ARIH1: variants seen among roughly 807,000 people sequenced by gnomAD.
ARIH1 encodes ariadne RBR E3 ubiquitin protein ligase 1, also known as E3 ubiquitin-protein ligase ARIH1.
ARIH1 carries 8 observed loss-of-function variants against 85.0 expected under a neutral mutation model. That is an observed-to-expected ratio of 0.09 (90% CI 0.06 to 0.17). The LOEUF (loss-of-function observed/expected upper bound fraction) is 0.17, where lower values mean the gene tolerates loss of function less well. ARIH1 is among the 10% of genes least tolerant of loss of function. The pLI, the probability that ARIH1 is intolerant of heterozygous loss-of-function variation, is 1.00. For synonymous variants in ARIH1, 238 were observed against 253.6 expected (o/e 0.94, Z 0.59); for missense variants, 311 against 718.1 (o/e 0.43, Z 6.48).
intron 1 of ARIH1, among the ~76,000 whole-genome samples, chr15:72,515,183 A>C (rs2063969640): frequency 6.6e-6 from 1 of 151,658 alleles, no homozygotes; most frequent in Admixed American, 6.6e-5. Flanking sequence ...TAAAAATACA[A>C]AAAATTAGAC....
chr15:72,484,153 A>G (rs1355836940), intron 1 of ARIH1, among the ~76,000 whole-genome samples: 2 of 144,132 alleles, frequency 1.4e-5, no homozygotes, highest in South Asian at 2.3e-4. Flanking sequence ...AGCCTGGGCA[A>G]CAAGAGTGAA....
intron 2 of ARIH1, among the ~76,000 whole-genome samples, chr15:72,537,369 G>T (rs1040372266): frequency 6.6e-6 from 1 of 152,080 alleles, no homozygotes; most frequent in Non-Finnish European, 1.5e-5. Flanking sequence ...TTTTATCAAA[G>T]TAACACAATC....
chr15:72,516,554 A>G (rs1441148270), intron 1 of ARIH1, among the ~76,000 whole-genome samples: 1 of 152,214 alleles, frequency 6.6e-6, no homozygotes, highest in Admixed American at 6.5e-5. Context: ...CTTAACTCTT[A>G]TAGATGGGTG....
rs2064370993 is a variant in ARIH1 at position 72,598,512 on chromosome 15, G to C, written c.*15220G>C. 1 of 151,834 alleles carries C rather than the reference G, an allele frequency of 6.6e-6. No individual in the cohort carries two copies. The highest frequency in any genetic ancestry group is 6.6e-5 in the Admixed American group (1 of 15,240). 9.4% of individuals were successfully genotyped at this position (151,834 alleles called of 1,614,324 possible). A position where few individuals can be genotyped will look rare whatever the true frequency, so the allele number is the denominator to read the frequency against. ...GTGGATCACCTGAGATCAGGAGTTT[G>C]AGACCAGCCTGGCCAACATAGTGAA... On this transcript the variant is annotated 3_prime_UTR_variant, in exon 14 of 14. Coordinates refer to ENST00000379887, the MANE Select transcript of ARIH1 (RefSeq NM_005744.5).
chr15:72,479,611 G>C (rs1391154878), intron 1 of ARIH1, among the ~76,000 whole-genome samples: 2 of 152,074 alleles, frequency 1.3e-5, no homozygotes, highest in South Asian at 4.1e-4. Flanking sequence ...GTTTCACCAT[G>C]TTGGTCAGAT....
At chr15:72,487,247 A>G (rs187044590) in intron 1 of ARIH1, among the ~76,000 whole-genome samples, 39 of 152,276 alleles carry the variant, frequency 2.6e-4, no homozygotes, top group African/African-American at 8.7e-4. Flanking sequence ...TGCTTAGACA[A>G]TGCTAAGAAT....
intron 3 of ARIH1, among the ~76,000 whole-genome samples, chr15:72,554,213 ATTTCT>A (rs1285331146): frequency 6.6e-6 from 1 of 152,060 alleles, no homozygotes; most frequent in East Asian, 1.9e-4. Flanking sequence ...GTATGTTTTC[ATTTCT>A]TTTGAGTATA....
At chr15:72,574,354 G>A (rs2064260786) in intron 11 of ARIH1, among the ~76,000 whole-genome samples, 1 of 152,186 alleles carries the variant, frequency 6.6e-6, no homozygotes, top group African/African-American at 2.4e-5. Flanking sequence ...CTAATTGATT[G>A]GGAGCCACGC....
Position 72,567,069 on chromosome 15 carries a change from CTT to C in ARIH1, c.955-34_955-33del, listed in dbSNP as rs767691470. The C allele has an allele frequency of 3.0e-5, 46 of 1,511,380 alleles. No individual in the cohort carries two copies. In the East Asian group the frequency reaches 9.4e-4, roughly 31 times the overall value. The allele number at this position is 1,511,380 out of a possible 1,614,324, so 93.6% of individuals were successfully genotyped here. On this transcript the variant is annotated intron_variant, in intron 8 of 13. Transcript: ENST00000379887. Reference sequence around the variant, plus strand: ...AAAGTAATTTGCTATTTTTAAAAGTCTTTTGTTGTATCCTAACCGTTGTTATT... The same window carrying C: ...AAAGTAATTTGCTATTTTTAAAAGTCTTGTTGTATCCTAACCGTTGTTATT...
chr15:72,506,351 C>CAAAAAAAAAAAA (rs71134002), intron 1 of ARIH1, among the ~76,000 whole-genome samples: 45,571 of 72,706 alleles, frequency 0.63, 17,891 homozygotes, highest in South Asian at 0.85. Context: ...CTCCGTCTCA[C>CAAAAAAAAAAAA]AAAAAAAAAA....
At chr15:72,487,853 T>C (rs2063843410) in intron 1 of ARIH1, among the ~76,000 whole-genome samples, 3 of 152,226 alleles carry the variant, frequency 2.0e-5, no homozygotes. Flanking sequence ...CTCCTTACTA[T>C]GGCATTCATG....
intron 9 of ARIH1, among the ~76,000 whole-genome samples, chr15:72,569,764 A>G (rs1435164614): frequency 1.3e-5 from 2 of 152,196 alleles, no homozygotes; most frequent in African/African-American, 4.8e-5. Flanking sequence ...TACTATATAT[A>G]TGACTAAAAG....
In ARIH1 at chr15:72,589,649, G is replaced by A. The variant is rs1040090711; in HGVS notation, c.*6357G>A. 1 of 152,128 alleles carries A rather than the reference G, an allele frequency of 6.6e-6. No individual in the cohort carries two copies. Among genetic ancestry groups the A allele is most frequent in the African/African-American group, 2.4e-5 (1 of 41,420 alleles). The allele number at this position is 152,128 out of a possible 1,614,324, so 9.4% of individuals were successfully genotyped here. ...TGGGTGTTGAGAGCTTAACTTAATC[G>A]GGAAGGAGATCTTGGAGATCATAGT... On this transcript the variant is annotated 3_prime_UTR_variant, in exon 14 of 14. Coordinates refer to ENST00000379887, the MANE Select transcript of ARIH1 (RefSeq NM_005744.5).
chr15:72,495,403 T>C (rs2063875913), intron 1 of ARIH1, among the ~76,000 whole-genome samples: 1 of 152,222 alleles, frequency 6.6e-6, no homozygotes, highest in South Asian at 2.1e-4. Context: ...TAATTCAGTA[T>C]TCCCCATTTG....
chr15:72,486,245 G>C (rs888591183), intron 1 of ARIH1, among the ~76,000 whole-genome samples: 1 of 152,028 alleles, frequency 6.6e-6, no homozygotes, highest in African/African-American at 2.4e-5. Flanking sequence ...ATATTAAATA[G>C]AAAATTTCAG....
chr15:72,483,295 A>G (rs1462978237), intron 1 of ARIH1, among the ~76,000 whole-genome samples: 1 of 152,240 alleles, frequency 6.6e-6, no homozygotes, highest in Non-Finnish European at 1.5e-5. Context: ...GGGCCTCTCC[A>G]TAAAGTGGCT....
chr15:72,570,508 A>C (rs2064238704), intron 10 of ARIH1, among the ~76,000 whole-genome samples: 1 of 152,262 alleles, frequency 6.6e-6, no homozygotes, highest in African/African-American at 2.4e-5. Context: ...ATTTAGATGA[A>C]CTTTAAGGGG....
intron 1 of ARIH1, among the ~76,000 whole-genome samples, chr15:72,479,449 A>G (rs1250107214): frequency 6.6e-6 from 1 of 151,402 alleles, no homozygotes; most frequent in East Asian, 2.0e-4. Context: ...CTCTGTTGCC[A>G]GGCTGGAGAG....
intron 10 of ARIH1, among the ~76,000 whole-genome samples, 179 bp from the exon 11 acceptor site, chr15:72,571,929 C>T (rs1487936861): frequency 2.0e-5 from 3 of 152,106 alleles, no homozygotes; most frequent in Non-Finnish European, 2.9e-5. Context: ...TCCTTTCAGC[C>T]TGCTAATTCT....
Sources: gnomAD v4.1 joint callset for allele counts (sites outside exome capture counted in the v4.1 genomes callset) on GRCh38, gnomAD v4.1.1 for gene constraint, MANE v1.5 for transcripts, NCBI Gene and HGNC (gene_info 2026-07-23, HGNC 2026-07-21) for gene names.